The following PTPRG variants were observed in gnomAD, a reference collection of about 807,000 sequenced individuals.
PTPRG encodes protein tyrosine phosphatase receptor type G.
In PTPRG, 102 loss-of-function variants were observed where a neutral mutation model predicts 165.3. That is an observed-to-expected ratio of 0.62 (90% CI 0.53 to 0.73). The LOEUF (loss-of-function observed/expected upper bound fraction) is 0.73. Ranked by LOEUF, PTPRG falls within the 30% of genes least tolerant of loss-of-function variation. The pLI, the probability that PTPRG is intolerant of heterozygous loss-of-function variation, is 0.00. For missense variants in PTPRG, 1,866 were observed against 1,861.4 expected, an observed-to-expected ratio of 1.00 and a Z score of -0.05; for synonymous variants, 675 against 669.5, an observed-to-expected ratio of 1.01 and a Z score of -0.13.
intron 2 of PTPRG, among the ~76,000 whole-genome samples, chr3:61,984,405 A>G (rs1269371254): frequency 6.6e-6 from 1 of 152,106 alleles, no homozygotes; most frequent in Non-Finnish European, 1.5e-5. Context: ...TTGTGTTTGC[A>G]GACTCCATTT....
chr3:61,726,376 T>C (rs925843900), intron 1 of PTPRG, among the ~76,000 whole-genome samples: 3 of 152,178 alleles, frequency 2.0e-5, no homozygotes, highest in Non-Finnish European at 4.4e-5. Flanking sequence ...ACATAGGATT[T>C]GGTTGTTAGA....
intron 2 of PTPRG, among the ~76,000 whole-genome samples, chr3:61,755,319 CT>C (rs1307237705): frequency 9.9e-5 from 15 of 152,124 alleles, no homozygotes; most frequent in Admixed American, 9.8e-4. Context: ...TAATAGAGAC[CT>C]TCTGATCGGA....
chr3:61,845,536 C>T (rs2107346632), intron 2 of PTPRG, among the ~76,000 whole-genome samples: 1 of 152,304 alleles, frequency 6.6e-6, no homozygotes, highest in South Asian at 2.1e-4. Context: ...AAATCACATA[C>T]TTCATCCTTA....
intron 2 of PTPRG, among the ~76,000 whole-genome samples, chr3:61,941,658 T>A (rs1351817606): frequency 6.6e-6 from 1 of 152,052 alleles, no homozygotes; most frequent in African/African-American, 2.4e-5. Context: ...GATTTATAGA[T>A]GCCATAAAAT....
intron 26 of PTPRG, among the ~76,000 whole-genome samples, chr3:62,279,965 A>C (rs1396421651): frequency 7.9e-5 from 12 of 152,060 alleles, no homozygotes; most frequent in Admixed American, 2.0e-4. Context: ...GGTGTACATC[A>C]TAATCATATT....
At position 62,267,693 on chromosome 3, in the gene PTPRG, C is replaced by A; in HGVS notation, c.2748C>A (p.Asn916Lys). The part of the protein sequence containing the change: ...YINANYVDGY[N>K]KAKAYIATQG... ...GCTGTGTCATTTTGAAGGGTTACAA[C>A]AAAGCAAAAGCCTACATTGCCACCC... The change falls in exon 19 of 30, where the codon AAC (asparagine) becomes AAA (lysine). Residue 916 changes from asparagine to lysine, a missense_variant. Coordinates refer to ENST00000474889, the MANE Select transcript of PTPRG (RefSeq NM_002841.4). 1 of 1,612,756 alleles carries A rather than the reference C, an allele frequency of 6.2e-7. No individual in the cohort carries two copies. Among genetic ancestry groups the A allele is most frequent in the Non-Finnish European group, 8.5e-7 (1 of 1,179,336 alleles).
At chr3:62,016,605 G>T (rs1404154416) in intron 4 of PTPRG, among the ~76,000 whole-genome samples, 1 of 152,148 alleles carries the variant, frequency 6.6e-6, no homozygotes, top group Non-Finnish European at 1.5e-5. Flanking sequence ...CATTGCTATA[G>T]ATTCTAAAAA....
chr3:61,810,570 A>G (rs1194391143), intron 2 of PTPRG, among the ~76,000 whole-genome samples: 1 of 152,164 alleles, frequency 6.6e-6, no homozygotes, highest in Non-Finnish European at 1.5e-5. Flanking sequence ...TAAAGGCAGC[A>G]GTGTGTTTAT....
At chr3:62,138,141 G>T (rs59998413) in intron 6 of PTPRG, among the ~76,000 whole-genome samples, 5 of 152,072 alleles carry the variant, frequency 3.3e-5, no homozygotes, top group African/African-American at 1.2e-4. Flanking sequence ...TATATCTGCC[G>T]TTTTACAACC....
chr3:62,183,827 AT>A (rs1279421794), intron 8 of PTPRG, among the ~76,000 whole-genome samples: 1 of 152,192 alleles, frequency 6.6e-6, no homozygotes, highest in African/African-American at 2.4e-5. Context: ...ATGGGGAAGG[AT>A]GAAGGAGAAG....
chr3:62,020,834 A>G (rs1353619635), intron 4 of PTPRG, among the ~76,000 whole-genome samples: 1 of 126,718 alleles, frequency 7.9e-6, no homozygotes, highest in East Asian at 2.2e-4. Context: ...CACCATGCAC[A>G]GGTTTTTTTT....
chr3:62,162,174 TG>T (rs763625337), intron 7 of PTPRG, among the ~76,000 whole-genome samples: 26 of 150,886 alleles, frequency 1.7e-4, no homozygotes, highest in Non-Finnish European at 3.4e-4. Context: ...AGCTTGCCTT[TG>T]ATTCGAACCG....
intron 1 of PTPRG, among the ~76,000 whole-genome samples, chr3:61,698,531 C>A (rs2030742797): frequency 6.6e-6 from 1 of 152,166 alleles, no homozygotes; most frequent in African/African-American, 2.4e-5. Flanking sequence ...GCCTTACTTA[C>A]AAAACCAGGC....
intron 2 of PTPRG, among the ~76,000 whole-genome samples, chr3:61,870,477 T>C (rs868718970): frequency 0.013 from 792 of 60,546 alleles, 15 homozygotes; most frequent in African/African-American, 0.057. Context: ...CACACCTAGC[T>C]TTTTTTTTTT....
chr3:61,836,307 C>T (rs188235714), intron 2 of PTPRG, among the ~76,000 whole-genome samples: 70 of 152,230 alleles, frequency 4.6e-4, no homozygotes, highest in Middle Eastern at 6.8e-3. Context: ...TCATGTACCC[C>T]TCACCTTCCT....
At chr3:61,659,419 A>G (rs1203374072) in intron 1 of PTPRG, 3 of 985,360 alleles carry the variant, frequency 3.0e-6, no homozygotes, top group Non-Finnish European at 3.6e-6. Context: ...GGCTGTGTAC[A>G]CTTCTTAAAA....
At chr3:62,269,852 G>A (rs551516492) in intron 20 of PTPRG, among the ~76,000 whole-genome samples, 74 of 151,930 alleles carry the variant, frequency 4.9e-4, no homozygotes, top group Non-Finnish European at 9.3e-4. Context: ...CAAGACCCCC[G>A]GTGGATGCTT....
chr3:62,279,907 T>C (rs182421287), intron 26 of PTPRG, among the ~76,000 whole-genome samples: 3 of 152,158 alleles, frequency 2.0e-5, no homozygotes, highest in Admixed American at 6.6e-5. Flanking sequence ...ACCTATATAC[T>C]ACAGGAAAAC....
chr3:61,746,208 A>ATT (rs750697053), intron 1 of PTPRG, among the ~76,000 whole-genome samples: 1,034 of 81,296 alleles, frequency 0.013, 74 homozygotes, highest in East Asian at 0.024. Flanking sequence ...ACACACTCTA[A>ATT]TTTTTTTTTT....
Sources: allele counts gnomAD v4.1 joint callset (sites outside exome capture counted in the v4.1 genomes callset), GRCh38; gene constraint gnomAD v4.1.1; transcripts MANE v1.5; gene names NCBI Gene and HGNC (gene_info 2026-07-23, HGNC 2026-07-21).